Variants in SDK1 observed in about 807,000 individuals in gnomAD.
The protein encoded by SDK1 is sidekick cell adhesion molecule 1, also known as protein sidekick-1.
In SDK1, 157 loss-of-function variants were observed where a neutral mutation model predicts 245.5. The observed-to-expected ratio is 0.64, with a 90% CI of 0.56 to 0.73. The LOEUF (loss-of-function observed/expected upper bound fraction) is 0.73. Ranked by LOEUF, SDK1 falls within the 30% of genes least tolerant of loss-of-function variation. The probability of loss-of-function intolerance (pLI) is 0.00; values close to 1 mark genes in which losing one functional copy is unlikely to be tolerated. For missense variants in SDK1, 3,583 were observed against 3,002.3 expected, an observed-to-expected ratio of 1.19 and a Z score of -4.52; for synonymous variants, 1,647 against 1,278.5, an observed-to-expected ratio of 1.29 and a Z score of -6.15.
chr7:3,404,006 A>G (rs1778983824), intron 1 of SDK1, among the ~76,000 whole-genome samples: 2 of 151,014 alleles, frequency 1.3e-5, no homozygotes, highest in Non-Finnish European at 3.0e-5. Flanking sequence ...AGTGCATATA[A>G]AAGTTGTGTT....
rs529734824 is a variant in SDK1, at chr7:4,048,458, C to T, written c.2603-890C>T. The stretch of plus-strand genomic sequence containing the variant: ...CGGTAGACAATCCCAGCGAGACCCG[C>T]GCACTGTCAGCACCCCGCTTCCCCC... On this transcript the variant is annotated intron_variant, in intron 17 of 44. Coordinates refer to ENST00000404826, the MANE Select transcript of SDK1 (RefSeq NM_152744.4). Among the ~76,000 whole-genome samples the T allele has an allele frequency of 4.6e-5, 7 of 152,286 alleles. No homozygotes were observed. In the East Asian group the frequency reaches 5.8e-4, roughly 13 times the overall value.
chr7:3,570,053 G>C (rs1178822028), intron 1 of SDK1, among the ~76,000 whole-genome samples: 1 of 152,182 alleles, frequency 6.6e-6, no homozygotes, highest in Non-Finnish European at 1.5e-5. Context: ...TCATTTGAGA[G>C]AGGTGGGGAC....
chr7:3,616,119 C>A (rs1009237076), intron 1 of SDK1, among the ~76,000 whole-genome samples: 1 of 152,174 alleles, frequency 6.6e-6, no homozygotes, highest in Non-Finnish European at 1.5e-5. Flanking sequence ...CACTCGAGCT[C>A]AAGCAATCCT....
intron 4 of SDK1, chr7:3,643,720 C>T (rs1782729033): frequency 6.6e-6 from 1 of 150,534 alleles, no homozygotes; most frequent in African/African-American, 2.5e-5. Context: ...CCACCCCTAC[C>T]TGAGCATCTG....
intron 1 of SDK1, among the ~76,000 whole-genome samples, chr7:3,332,609 G>C (rs1780096780): frequency 6.6e-6 from 1 of 151,924 alleles, no homozygotes; most frequent in African/African-American, 2.4e-5. Context: ...ATTTATTTTA[G>C]AATTACTCTG....
In SDK1 at chr7:3,402,042, C is replaced by G. The variant is rs115666386; in HGVS notation, c.298+100158C>G. Among the ~76,000 whole-genome samples the G allele has an allele frequency of 6.0e-3, 910 of 152,274 alleles. 6 individuals are homozygous for G. Among genetic ancestry groups the G allele is most frequent in the African/African-American group, 0.02 (838 of 41,562 alleles). On this transcript the variant is annotated intron_variant, in intron 1 of 44. Coordinates refer to ENST00000404826, the MANE Select transcript of SDK1 (RefSeq NM_152744.4). ...TGGGAGATATAAAAGAAGCACAAAA[C>G]TGGATCCTGTCCTCATGGAACTCAA...
intron 17 of SDK1, among the ~76,000 whole-genome samples, chr7:4,027,927 C>G (rs1158412661): frequency 2.0e-5 from 3 of 148,716 alleles, no homozygotes; most frequent in Non-Finnish European, 4.4e-5. Context: ...TAATTAGGAT[C>G]TAGATAGAAT....
chr7:4,263,394 C>G (rs1186748431), intron 44 of SDK1, among the ~76,000 whole-genome samples: 1 of 148,038 alleles, frequency 6.8e-6, no homozygotes, highest in Non-Finnish European at 1.5e-5. Flanking sequence ...GGGAGGCCAC[C>G]TAGATCTTTG....
chr7:4,142,579 G>A (rs970752680), intron 28 of SDK1, among the ~76,000 whole-genome samples: 2 of 152,022 alleles, frequency 1.3e-5, no homozygotes, highest in Admixed American at 6.5e-5. Context: ...CGCCCACCTC[G>A]GCCTCCCAAA....
intron 1 of SDK1, among the ~76,000 whole-genome samples, chr7:3,357,875 A>T (rs532967404): frequency 6.6e-6 from 1 of 152,146 alleles, no homozygotes; most frequent in Non-Finnish European, 1.5e-5. Flanking sequence ...GCTCTTAGTT[A>T]TGTGTGGTAG....
At chr7:3,966,084 G>T (rs983325929) in intron 9 of SDK1, among the ~76,000 whole-genome samples, 1 of 152,034 alleles carries the variant, frequency 6.6e-6, no homozygotes, top group Non-Finnish European at 1.5e-5. Flanking sequence ...TCAAAGGGCA[G>T]CCCAAGGCTG....
intron 1 of SDK1, among the ~76,000 whole-genome samples, chr7:3,588,809 C>G (rs1562584851): frequency 6.6e-6 from 1 of 152,166 alleles, no homozygotes; most frequent in African/African-American, 2.4e-5. Context: ...CTTTGCATCA[C>G]TACTTTGGAT....
intron 22 of SDK1, among the ~76,000 whole-genome samples, chr7:4,084,054 A>G (rs1478402055): frequency 1.6e-4 from 24 of 152,224 alleles, no homozygotes; most frequent in Admixed American, 1.5e-3. Flanking sequence ...AGGATATTCA[A>G]GATGATAATT....
Position 3,984,944 on chromosome 7 carries a change from C to A in SDK1, c.1995-2242C>A, listed in dbSNP as rs1436602564. On this transcript the variant is annotated intron_variant, in intron 13 of 44. Transcript: ENST00000404826. Reference sequence around the variant, plus strand: ...TGTCTGGCCTCTCTGCCACCCAGGGCAAATCCTGCATTCCTACCACTCTCA... The same window carrying A: ...TGTCTGGCCTCTCTGCCACCCAGGGAAAATCCTGCATTCCTACCACTCTCA... 2.6e-5 allele frequency among the ~76,000 whole-genome samples: 4 copies of A among 152,348 alleles called. No homozygotes were observed. In the East Asian group the frequency reaches 5.8e-4, roughly 22 times the overall value.
At chr7:4,210,409 G>A (rs1007666838) in intron 38 of SDK1, among the ~76,000 whole-genome samples, 1 of 152,136 alleles carries the variant, frequency 6.6e-6, no homozygotes, top group Non-Finnish European at 1.5e-5. Flanking sequence ...AGACCAGAAC[G>A]GCACTCTCCC....
intron 4 of SDK1, among the ~76,000 whole-genome samples, chr7:3,751,827 G>T (rs573447177): frequency 5.3e-5 from 8 of 152,198 alleles, no homozygotes; most frequent in Admixed American, 1.3e-4. Flanking sequence ...TCTGAGGACC[G>T]CTCCCTTCTG....
chr7:3,506,973 ATTTG>A (rs1021266320), intron 1 of SDK1, among the ~76,000 whole-genome samples: 8 of 151,596 alleles, frequency 5.3e-5, no homozygotes, highest in African/African-American at 7.3e-5. Flanking sequence ...TTTAGAGGGT[ATTTG>A]TTTTTATTTT....
intron 43 of SDK1, among the ~76,000 whole-genome samples, chr7:4,243,339 G>T (rs1040455925): frequency 1.3e-5 from 2 of 152,198 alleles, no homozygotes; most frequent in Admixed American, 6.5e-5. Flanking sequence ...AAATTAAGAT[G>T]GAAAAGAAAA....
chr7:3,699,316 C>T (rs535148686), intron 4 of SDK1, among the ~76,000 whole-genome samples: 7 of 152,112 alleles, frequency 4.6e-5, no homozygotes, highest in African/African-American at 1.7e-4. Context: ...TAGAGATGTC[C>T]GACCAGCATT....
Sources: gnomAD v4.1 joint callset for allele counts (sites outside exome capture counted in the v4.1 genomes callset) on GRCh38, gnomAD v4.1.1 for gene constraint, MANE v1.5 for transcripts, NCBI Gene and HGNC (gene_info 2026-07-23, HGNC 2026-07-21) for gene names.